DNAJC6: variants seen among roughly 807,000 people sequenced by gnomAD.
The protein encoded by DNAJC6 is DnaJ heat shock protein family (Hsp40) member C6, also known as auxilin.
Under a neutral mutation model 110.0 loss-of-function variants are expected in DNAJC6, and 34 were observed. That is an observed-to-expected ratio of 0.31 (90% CI 0.24 to 0.41). The LOEUF (loss-of-function observed/expected upper bound fraction) is 0.41. Ranked by LOEUF, DNAJC6 falls within the 10% of genes least tolerant of loss-of-function variation. The pLI is 1.00. For missense variants in DNAJC6, 1,031 were observed against 1,207.8 expected (o/e 0.85, Z 2.17); for synonymous variants, 406 against 437.2 (o/e 0.93, Z 0.89).
chr1:65,388,237 T>G lies in DNAJC6; in HGVS notation c.1114-99T>G. The G allele has an allele frequency of 8.9e-6, 9 of 1,008,152 alleles. No homozygotes were observed. In the Middle Eastern group the frequency reaches 6.1e-4, roughly 68 times the overall value. The allele number at this position is 1,008,152 out of a possible 1,614,324, so 62.5% of individuals were successfully genotyped here. Reference sequence around the variant, plus strand: ...CCATAGTAAACACAAATTCAGATATTGAAACAGTTGAAGGTGCATGTCTCC... The same window carrying G: ...CCATAGTAAACACAAATTCAGATATGGAAACAGTTGAAGGTGCATGTCTCC... On this transcript the variant is annotated intron_variant, in intron 8 of 18. Coordinates refer to ENST00000371069, the MANE Select transcript of DNAJC6 (RefSeq NM_001256864.2).
At chr1:65,302,134 T>A (rs1462422093) in intron 1 of DNAJC6, among the ~76,000 whole-genome samples, 2 of 140,828 alleles carry the variant, frequency 1.4e-5, no homozygotes, top group African/African-American at 5.2e-5. Context: ...AAAAAATATA[T>A]ATAATACGTA....
rs182178746 is a variant in DNAJC6, at chr1:65,358,158, G to A, written c.194-6477G>A. On this transcript the variant is annotated intron_variant, in intron 1 of 18. Coordinates refer to ENST00000371069, the MANE Select transcript of DNAJC6 (RefSeq NM_001256864.2). ...CGCACCACTATACTCTGGCCTGGGC[G>A]ATAGAGCGAGACTCAGTCTCAAAAA... Among the ~76,000 whole-genome samples, 100 of 118,344 alleles carry A rather than the reference G, an allele frequency of 8.4e-4. 2 individuals are homozygous for A. Among genetic ancestry groups the A allele is most frequent in the African/African-American group, 2.9e-3 (88 of 30,830 alleles). The allele number at this position is 118,344 out of a possible 152,430, so 77.6% of individuals were successfully genotyped here.
intron 1 of DNAJC6, among the ~76,000 whole-genome samples, chr1:65,313,695 G>A (rs1645122997): frequency 6.6e-6 from 1 of 152,190 alleles, no homozygotes; most frequent in Non-Finnish European, 1.5e-5. Flanking sequence ...AGATAAAAGA[G>A]GGGTACATGT....
At chr1:65,284,694 GT>G (rs796670572) in intron 1 of DNAJC6, among the ~76,000 whole-genome samples, 12 of 144,042 alleles carry the variant, frequency 8.3e-5, no homozygotes, top group Non-Finnish European at 9.2e-5. Context: ...ACTGTTTTTT[GT>G]TTTTTTTTTT....
intron 1 of DNAJC6, among the ~76,000 whole-genome samples, chr1:65,358,178 C>CAAAAAAAAAAA (rs11285114): frequency 1.2e-5 from 1 of 80,034 alleles, no homozygotes; most frequent in Non-Finnish European, 2.4e-5. Flanking sequence ...GACTCAGTCT[C>CAAAAAAAAAAA]AAAAAAAAAA....
intron 1 of DNAJC6, among the ~76,000 whole-genome samples, chr1:65,321,723 G>T (rs2101416438): frequency 6.6e-6 from 1 of 152,288 alleles, no homozygotes; most frequent in South Asian, 2.1e-4. Flanking sequence ...GTTTTTGAGA[G>T]AAGGTTCAAT....
chr1:65,309,638 G>A lies in DNAJC6; in HGVS notation c.-108G>A, dbSNP rs562640978. On this transcript the variant is annotated 5_prime_UTR_variant, in exon 1 of 19. Transcript: ENST00000371069. ...TTTTCCCTCCTCTTTGCGTCATGTCGGGCACTTAATTTTTTTTTTTTTTTA... is the reference window on the plus strand; with the variant it reads ...TTTTCCCTCCTCTTTGCGTCATGTCAGGCACTTAATTTTTTTTTTTTTTTA... 6.7e-4 allele frequency: 958 copies of A among 1,428,732 alleles called. 7 individuals are homozygous for A. In the African/African-American group the frequency reaches 0.013, roughly 19 times the overall value. The allele number at this position is 1,428,732 out of a possible 1,614,324, so 88.5% of individuals were successfully genotyped here.
At chr1:65,304,993 T>C, upstream of DNAJC6, among the ~76,000 whole-genome samples, 1 of 152,276 alleles carries the variant, frequency 6.6e-6, no homozygotes, top group East Asian at 1.9e-4. Flanking sequence ...GCACTATGTA[T>C]ATCTATAGGC....
intron 1 of DNAJC6, chr1:65,279,654 C>T (rs1653782763): frequency 6.6e-6 from 1 of 152,068 alleles, no homozygotes; most frequent in Admixed American, 6.6e-5. Flanking sequence ...TTCTCAAAGG[C>T]TAGATGTTGG....
At chr1:65,280,099 G>A (rs759890775) in intron 1 of DNAJC6, among the ~76,000 whole-genome samples, 5 of 152,080 alleles carry the variant, frequency 3.3e-5, no homozygotes, top group Admixed American at 6.6e-5. Flanking sequence ...ATATATTAAA[G>A]GCACCTAGCA....
intron 14 of DNAJC6, among the ~76,000 whole-genome samples, chr1:65,399,276 A>G (rs1364583311): frequency 2.0e-5 from 3 of 152,194 alleles, no homozygotes; most frequent in Non-Finnish European, 4.4e-5. Flanking sequence ...AAACTTATAT[A>G]AGAATTTCTG....
intron 1 of DNAJC6, among the ~76,000 whole-genome samples, chr1:65,284,707 A>G (rs1211548197): frequency 6.7e-6 from 1 of 148,768 alleles, no homozygotes; most frequent in Non-Finnish European, 1.5e-5. Flanking sequence ...TTTTTTTTTG[A>G]GACGGAGTTT....
At chr1:65,298,134 C>CT (rs1443976839) in intron 1 of DNAJC6, among the ~76,000 whole-genome samples, 1 of 152,180 alleles carries the variant, frequency 6.6e-6, no homozygotes, top group Non-Finnish European at 1.5e-5. Flanking sequence ...GAATTACACT[C>CT]TTTCTCTATT....
chr1:65,327,966 C>T (rs556576114), intron 1 of DNAJC6, among the ~76,000 whole-genome samples: 2 of 152,320 alleles, frequency 1.3e-5, no homozygotes, highest in Non-Finnish European at 2.9e-5. Flanking sequence ...TCTCCCACCT[C>T]AGCCTCTCAA....
intron 15 of DNAJC6, among the ~76,000 whole-genome samples, chr1:65,404,044 C>T (rs558498465): frequency 1.3e-5 from 2 of 152,232 alleles, no homozygotes; most frequent in African/African-American, 4.8e-5. Flanking sequence ...GAGTAAGCTT[C>T]CTTAAATATA....
chr1:65,398,041 A>G (rs886415419), intron 13 of DNAJC6, among the ~76,000 whole-genome samples: 10 of 152,194 alleles, frequency 6.6e-5, no homozygotes, highest in Non-Finnish European at 1.0e-4. Context: ...ATTCTTCATC[A>G]TGGCATCCTG....
At position 65,389,619 on chromosome 1, in the gene DNAJC6, G is replaced by C. The variant is rs568329793; in HGVS notation, c.1460G>C (p.Cys487Ser). ...CAAAGTGGTTTCTTTGCCTCTCTCT[G>C]TTGGCAAGGTATTTACAAGTGTTTC... ...YGQSGFFASL[C>S]WQDQKSEKSF... The change falls in exon 11 of 19, where the codon TGT (cysteine) becomes TCT (serine). Residue 487 changes from cysteine (C) to serine (S), a missense_variant. Cys to Ser is a moderately radical substitution (Grantham distance 112). Transcript: ENST00000371069. 2.5e-6 allele frequency: 4 copies of C among 1,614,016 alleles called. No homozygotes were observed. The East Asian group carries it at 6.7e-5, about 27-fold the overall frequency.
chr1:65,402,154 G>A (rs1299379639), intron 15 of DNAJC6, among the ~76,000 whole-genome samples: 1 of 152,250 alleles, frequency 6.6e-6, no homozygotes, highest in Non-Finnish European at 1.5e-5. Flanking sequence ...AGGGGCTCAT[G>A]GCAACAGAGT....
intron 16 of DNAJC6, among the ~76,000 whole-genome samples, chr1:65,407,054 G>A (rs79387266): frequency 6.6e-6 from 1 of 152,174 alleles, no homozygotes; most frequent in Non-Finnish European, 1.5e-5. Flanking sequence ...GTCAACTGCA[G>A]TCTGAAAATA....
Sources: gnomAD v4.1 joint callset for allele counts (sites outside exome capture counted in the v4.1 genomes callset) on GRCh38, gnomAD v4.1.1 for gene constraint, MANE v1.5 for transcripts, NCBI Gene and HGNC (gene_info 2026-07-23, HGNC 2026-07-21) for gene names.